TERB2: variants seen among roughly 807,000 people sequenced by gnomAD.
The protein encoded by TERB2 is telomere repeat binding bouquet formation protein 2, also known as telomere repeats-binding bouquet formation protein 2.
In TERB2, 26 loss-of-function variants were observed where a neutral mutation model predicts 29.8. The ratio of observed to expected loss-of-function variants is 0.87; its 90% CI spans 0.64 to 1.21. The LOEUF is 1.21. Ranked by LOEUF, TERB2 falls within the 50% of genes most tolerant of loss-of-function variation. The pLI is 0.00. For synonymous variants in TERB2, 80 were observed against 90.8 expected (o/e 0.88, Z 0.68); for missense variants, 240 against 268.6 (o/e 0.89, Z 0.74).
chr15:44,965,031 C>G (rs968562840), intron 4 of TERB2, among the ~76,000 whole-genome samples: 1 of 151,604 alleles, frequency 6.6e-6, no homozygotes, highest in African/African-American at 2.4e-5. Flanking sequence ...GATGTGGTGG[C>G]TGGCGCCTGT....
chr15:44,962,604 A>T (rs1891823909), intron 4 of TERB2, among the ~76,000 whole-genome samples: 1 of 152,088 alleles, frequency 6.6e-6, no homozygotes, highest in African/African-American at 2.4e-5. Flanking sequence ...GTCTGTCTGA[A>T]CCTATTCTGG....
intron 5 of TERB2, among the ~76,000 whole-genome samples, chr15:44,973,317 CTGTATA>C (rs1297979604): frequency 6.6e-6 from 1 of 152,106 alleles, no homozygotes; most frequent in Non-Finnish European, 1.5e-5. Flanking sequence ...AGATTTAATA[CTGTATA>C]TGTATATGTG....
chr15:44,968,199 C>G (rs1244200899), intron 5 of TERB2, among the ~76,000 whole-genome samples: 2 of 151,018 alleles, frequency 1.3e-5, no homozygotes. Flanking sequence ...CCCAAATCCT[C>G]TCCCAGTGAT....
At chr15:44,974,802 C>T (rs535593350) in intron 6 of TERB2, among the ~76,000 whole-genome samples, 20 of 152,154 alleles carry the variant, frequency 1.3e-4, no homozygotes, top group African/African-American at 4.8e-4. Flanking sequence ...ATCATTTTCT[C>T]TTTATTTAGC....
chr15:44,976,337 GA>G (rs1311375853), intron 6 of TERB2, among the ~76,000 whole-genome samples: 1 of 152,152 alleles, frequency 6.6e-6, no homozygotes, highest in Non-Finnish European at 1.5e-5. Context: ...ACTGGGACTG[GA>G]AAATCCACTT....
rs34438861 is a variant in TERB2 at position 44,963,804 on chromosome 15, C to CTTT, written c.348+2242_348+2244dup. On this transcript the variant is annotated intron_variant, in intron 4 of 6. Transcript: ENST00000340827. ...GGTATATGGTATTTATTATACTATT[C>CTTT]TTTTTTTTTTTTTTTTTTTTTTTTG... Among the ~76,000 whole-genome samples, 232 of 79,150 alleles carry CTTT rather than the reference C, an allele frequency of 2.9e-3. 1 individual carries two copies. The highest frequency in any genetic ancestry group is 3.3e-3 in the African/African-American group (60 of 18,036). The allele number at this position is 79,150 out of a possible 152,430, so 51.9% of individuals were successfully genotyped here.
chr15:44,971,876 T>C (rs1330102843), intron 5 of TERB2, among the ~76,000 whole-genome samples: 2 of 149,550 alleles, frequency 1.3e-5, no homozygotes, highest in East Asian at 4.2e-4. Context: ...CAGAATTAAA[T>C]AGTGGGTGGT....
rs537577679 is a variant in TERB2, at chr15:44,962,175, T to C, written c.348+591T>C. Reference sequence around the variant, plus strand: ...AAGAGAATAACAGGTGCATAGTATTTACCAGTTCTTTTTTTTTTTTTTTGG... The same window carrying C: ...AAGAGAATAACAGGTGCATAGTATTCACCAGTTCTTTTTTTTTTTTTTTGG... On this transcript the variant is annotated intron_variant, in intron 4 of 6. Transcript: ENST00000340827. Among the ~76,000 whole-genome samples the C allele has an allele frequency of 4.6e-5, 7 of 151,644 alleles. No homozygotes were observed. In the East Asian group the frequency reaches 1.4e-3, roughly 30 times the overall value.
At chr15:44,971,898 C>T (rs1891976735) in intron 5 of TERB2, among the ~76,000 whole-genome samples, 1 of 139,048 alleles carries the variant, frequency 7.2e-6, no homozygotes, top group East Asian at 2.3e-4. Context: ...CCTGACTTTT[C>T]TGGGAACACA....
At chr15:44,965,742 C>T (rs1004857677) in intron 4 of TERB2, among the ~76,000 whole-genome samples, 1 of 150,852 alleles carries the variant, frequency 6.6e-6, no homozygotes, top group Admixed American at 6.6e-5. Context: ...TGATTTGTAG[C>T]TCACAGGAAT....
At chr15:44,972,842 A>G (rs1427036466) in intron 5 of TERB2, among the ~76,000 whole-genome samples, 1 of 151,594 alleles carries the variant, frequency 6.6e-6, no homozygotes, top group African/African-American at 2.4e-5. Context: ...AAATAAGAAT[A>G]TACATTTTTT....
chr15:44,976,011 G>T (rs1451243538), intron 6 of TERB2: 3 of 152,166 alleles, frequency 2.0e-5, no homozygotes, highest in Non-Finnish European at 4.4e-5. Flanking sequence ...GTTATTTATT[G>T]ATGTAAATCA....
intron 5 of TERB2, among the ~76,000 whole-genome samples, chr15:44,973,234 T>C (rs1891997153): frequency 6.6e-6 from 1 of 152,232 alleles, no homozygotes; most frequent in Admixed American, 6.5e-5. Flanking sequence ...AGTTAATAGA[T>C]GCCCAATTAT....
chr15:44,970,677 C>G (rs1038212237), intron 5 of TERB2: 2 of 170,764 alleles, frequency 1.2e-5, no homozygotes, highest in Non-Finnish European at 2.6e-5. Context: ...TGTTCCAAAC[C>G]GTGGATCTTC....
At chr15:44,977,847 A>T (rs1400344981) in intron 6 of TERB2, among the ~76,000 whole-genome samples, 1 of 152,230 alleles carries the variant, frequency 6.6e-6, no homozygotes, top group Admixed American at 6.5e-5. Context: ...AAATGTAATC[A>T]TTTAAATAGT....
At chr15:44,968,582 ACC>A (rs1207700201) in intron 5 of TERB2, among the ~76,000 whole-genome samples, 1 of 124,482 alleles carries the variant, frequency 8.0e-6, no homozygotes, top group Non-Finnish European at 1.7e-5. Flanking sequence ...ATTTTGTTTA[ACC>A]TTTTTTTTTT....
intron 4 of TERB2, among the ~76,000 whole-genome samples, chr15:44,963,720 A>G (rs1448548599): frequency 6.6e-6 from 1 of 151,992 alleles, no homozygotes; most frequent in Non-Finnish European, 1.5e-5. Context: ...CAAAAATAAA[A>G]AGAGAGAGGA....
intron 2 of TERB2, 122 bp downstream of exon 2, chr15:44,957,099 A>T: frequency 9.6e-7 from 1 of 1,042,250 alleles, no homozygotes; most frequent in South Asian, 1.4e-5. Flanking sequence ...CTATAATCCC[A>T]GCTACTGGGA....
At chr15:44,971,295 A>T (rs1191350665) in intron 5 of TERB2, 2 of 152,218 alleles carry the variant, frequency 1.3e-5, no homozygotes, top group African/African-American at 2.4e-5. Context: ...ACCTCCACTT[A>T]ACCAGCGAAA....
Sources: gnomAD v4.1 joint callset for allele counts (sites outside exome capture counted in the v4.1 genomes callset) on GRCh38, gnomAD v4.1.1 for gene constraint, MANE v1.5 for transcripts, NCBI Gene and HGNC (gene_info 2026-07-23, HGNC 2026-07-21) for gene names.